ANKRD30B: variants seen among roughly 807,000 people sequenced by gnomAD.
The protein encoded by ANKRD30B is ankyrin repeat domain 30B.
ANKRD30B carries 144 observed loss-of-function variants against 202.2 expected under a neutral mutation model. The observed-to-expected ratio is 0.71, with a 90% CI of 0.62 to 0.82. ANKRD30B has a LOEUF of 0.82. ANKRD30B is among the 40% of genes least tolerant of loss of function. The pLI is 0.00. For synonymous variants in ANKRD30B, 508 were observed against 561.3 expected (o/e 0.91, Z 1.34); for missense variants, 1,487 against 1,669.1 (o/e 0.89, Z 1.90).
intron 22 of ANKRD30B, 64 bp downstream of exon 22, chr18:14,799,359 C>T: frequency 7.3e-7 from 1 of 1,371,276 alleles, no homozygotes. Flanking sequence ...AAATGCTGAG[C>T]ACCTTTTTAT....
intron 39 of ANKRD30B, among the ~76,000 whole-genome samples, chr18:14,847,220 A>G (rs1288742287): frequency 6.6e-6 from 1 of 151,346 alleles, no homozygotes; most frequent in African/African-American, 2.4e-5. Flanking sequence ...TGGTTGTTTT[A>G]GGATTTATAG....
chr18:14,885,125 G>A, the ANKRD30B span, among the ~76,000 whole-genome samples: 2,283 of 152,114 alleles, frequency 0.015, 68 homozygotes, highest in African/African-American at 0.051. Flanking sequence ...CATCCATTTC[G>A]ATATATCAGT....
the ANKRD30B span, among the ~76,000 whole-genome samples, chr18:14,917,552 G>T: frequency 1.3e-5 from 2 of 152,200 alleles, no homozygotes; most frequent in Non-Finnish European, 2.9e-5. Flanking sequence ...AGACTGTCCT[G>T]GTTGGTAAAT....
At chr18:14,846,875 A>G (rs1379937150) in intron 39 of ANKRD30B, among the ~76,000 whole-genome samples, 1 of 151,528 alleles carries the variant, frequency 6.6e-6, no homozygotes, top group South Asian at 2.1e-4. Flanking sequence ...CGTTCTGACA[A>G]TCTGCCTTTG....
the ANKRD30B span, among the ~76,000 whole-genome samples, chr18:14,898,300 G>C: frequency 1.8e-4 from 27 of 152,236 alleles, 1 homozygote; most frequent in Admixed American, 1.7e-3. Context: ...CAGCCGGGGG[G>C]AGGTTCAGGA....
chr18:14,835,344 C>T (rs1457941862), intron 34 of ANKRD30B, among the ~76,000 whole-genome samples: 1 of 151,378 alleles, frequency 6.6e-6, no homozygotes, highest in Non-Finnish European at 1.5e-5. Context: ...TACCTATTAT[C>T]ATAGAATCAT....
In ANKRD30B at chr18:14,772,179, A is replaced by G; in HGVS notation, c.1280A>G (p.Glu427Gly). The G allele has an allele frequency of 2.0e-6, 3 of 1,505,188 alleles. No homozygotes were observed. Among genetic ancestry groups the G allele is most frequent in the South Asian group, 2.7e-5 (2 of 75,378 alleles). The allele number at this position is 1,505,188 out of a possible 1,614,324, so 93.2% of individuals were successfully genotyped here. The change falls in exon 9 of 44, where the codon GAA becomes GGA. Residue 427 changes from glutamate (E) to glycine (G), a missense_variant. Physicochemically the swap from Glu to Gly is moderately conservative, Grantham distance 98. Coordinates refer to ENST00000690538, the MANE Select transcript of ANKRD30B (RefSeq NM_001367607.2). ...AGTCTTTTTGGCACACGGACTATTG[A>G]AAATTCACAGTGTACAAAAGTTGAG... ...IFSLFGTRTI[E>G]NSQCTKVEED...
At chr18:14,786,996 G>A (rs1968124587) in intron 14 of ANKRD30B, 43 bp from the exon 15 acceptor site, 1 of 1,566,056 alleles carries the variant, frequency 6.4e-7, no homozygotes, top group Non-Finnish European at 8.7e-7. Flanking sequence ...ATTTATAGTA[G>A]AGAAATGTTC....
At chr18:14,798,191 C>G (rs1478963230) in intron 20 of ANKRD30B, among the ~76,000 whole-genome samples, 3 of 146,552 alleles carry the variant, frequency 2.0e-5, no homozygotes, top group African/African-American at 2.5e-5. Flanking sequence ...ACCGCCTTGT[C>G]GTCCCGTGGT....
chr18:14,758,242 C>T (rs150856743), intron 5 of ANKRD30B, among the ~76,000 whole-genome samples: 27 of 152,238 alleles, frequency 1.8e-4, no homozygotes, highest in Non-Finnish European at 2.6e-4. Context: ...ATGTCCACTT[C>T]GGCAGAAAAC....
At chr18:14,751,349 A>G (rs1471454016) in intron 1 of ANKRD30B, among the ~76,000 whole-genome samples, 1 of 152,082 alleles carries the variant, frequency 6.6e-6, no homozygotes, top group Non-Finnish European at 1.5e-5. Context: ...CTGGATGCCT[A>G]TTATGTAGAA....
At chr18:14,824,810 G>C (rs1326614892) in intron 32 of ANKRD30B, among the ~76,000 whole-genome samples, 1 of 152,160 alleles carries the variant, frequency 6.6e-6, no homozygotes, top group Non-Finnish European at 1.5e-5. Flanking sequence ...AGGTGATGTG[G>C]TCTCTATCAC....
the ANKRD30B span, among the ~76,000 whole-genome samples, chr18:14,931,005 GT>G: frequency 6.6e-6 from 1 of 152,190 alleles, no homozygotes; most frequent in Non-Finnish European, 1.5e-5. Flanking sequence ...TGATGATTTA[GT>G]AGAGTTATGC....
the ANKRD30B span, among the ~76,000 whole-genome samples, chr18:14,934,908 C>A: frequency 2.2e-5 from 3 of 134,602 alleles, no homozygotes; most frequent in African/African-American, 5.9e-5. Context: ...CCTCCCTCTA[C>A]CACACACACA....
At chr18:14,866,701 G>A in the ANKRD30B span, among the ~76,000 whole-genome samples, 1 of 152,090 alleles carries the variant, frequency 6.6e-6, no homozygotes, top group Non-Finnish European at 1.5e-5. Flanking sequence ...TGGGTTGGGT[G>A]TGCTTTTGGG....
At chr18:14,780,485 A>G (rs1967656711) in intron 11 of ANKRD30B, among the ~76,000 whole-genome samples, 1 of 152,080 alleles carries the variant, frequency 6.6e-6, no homozygotes, top group South Asian at 2.1e-4. Flanking sequence ...TGGTAAGTAG[A>G]TTACTGCTTA....
At chr18:14,831,241 G>T in intron 33 of ANKRD30B, 142 bp from the exon 34 acceptor site, 2 of 424,958 alleles carry the variant, frequency 4.7e-6, no homozygotes, top group Non-Finnish European at 8.7e-6. Context: ...CAAGAAACAT[G>T]ATTTAATATA....
At chr18:14,761,675 G>C (rs1015414155) in intron 6 of ANKRD30B, among the ~76,000 whole-genome samples, 2 of 152,194 alleles carry the variant, frequency 1.3e-5, no homozygotes, top group African/African-American at 4.8e-5. Flanking sequence ...CCACAAGCCT[G>C]ATGAACTCAC....
At chr18:14,865,801 C>T in the ANKRD30B span, among the ~76,000 whole-genome samples, 3 of 152,208 alleles carry the variant, frequency 2.0e-5, no homozygotes, top group Non-Finnish European at 4.4e-5. Context: ...GGGAGGCCAG[C>T]CATGGTGCCA....
Sources: gnomAD v4.1 joint callset for allele counts (sites outside exome capture counted in the v4.1 genomes callset) on GRCh38, gnomAD v4.1.1 for gene constraint, MANE v1.5 for transcripts, NCBI Gene and HGNC (gene_info 2026-07-23, HGNC 2026-07-21) for gene names.